EYS: variants seen among roughly 807,000 people sequenced by gnomAD.
EYS encodes protein eyes shut homolog.
EYS carries 250 observed loss-of-function variants against 282.1 expected under a neutral mutation model. The ratio of observed to expected loss-of-function variants is 0.89; its 90% CI spans 0.80 to 0.98. The LOEUF (loss-of-function observed/expected upper bound fraction) is 0.98, where lower values mean the gene tolerates loss of function less well. Among genes scored for constraint, EYS ranks in the 50% least tolerant of loss-of-function variants. EYS has a pLI of 0.00. For missense variants in EYS, 4,016 were observed against 3,709.0 expected (o/e 1.08, Z -2.15); for synonymous variants, 1,355 against 1,282.9 (o/e 1.06, Z -1.20).
At chr6:65,437,669 G>A (rs917633163) in intron 5 of EYS, among the ~76,000 whole-genome samples, 2 of 152,062 alleles carry the variant, frequency 1.3e-5, no homozygotes, top group South Asian at 4.2e-4. Context: ...AAGAAACTTG[G>A]CATCCAAAAC....
At chr6:64,854,513 G>A (rs1211238874) in intron 19 of EYS, among the ~76,000 whole-genome samples, 2 of 145,678 alleles carry the variant, frequency 1.4e-5, no homozygotes, top group Admixed American at 7.4e-5. Context: ...AACACTGCAT[G>A]TTCTCACTCA....
intron 14 of EYS, among the ~76,000 whole-genome samples, chr6:64,967,785 C>T (rs775337532): frequency 1.3e-4 from 20 of 152,154 alleles, no homozygotes; most frequent in Non-Finnish European, 2.5e-4. Context: ...AATTTCATAA[C>T]GATTTTTCTC....
At chr6:64,391,779 T>C (rs193002423) in intron 28 of EYS, among the ~76,000 whole-genome samples, 1 of 152,148 alleles carries the variant, frequency 6.6e-6, no homozygotes, top group African/African-American at 2.4e-5. Flanking sequence ...ATAATAATAT[T>C]AACTTTAAAT....
intron 26 of EYS, among the ~76,000 whole-genome samples, chr6:64,443,905 T>C (rs1775034700): frequency 6.6e-6 from 1 of 152,160 alleles, no homozygotes; most frequent in Admixed American, 6.6e-5. Flanking sequence ...AATAGAGTCA[T>C]TAAAAAAGAT....
chr6:65,661,775 C>G (rs2149826059), intron 1 of EYS, among the ~76,000 whole-genome samples: 1 of 152,204 alleles, frequency 6.6e-6, no homozygotes, highest in Non-Finnish European at 1.5e-5. Flanking sequence ...TGGTAAAAAT[C>G]TGTGCCTGCA....
chr6:64,409,332 G>A (rs1040614333), intron 28 of EYS, among the ~76,000 whole-genome samples: 2 of 152,156 alleles, frequency 1.3e-5, no homozygotes, highest in Non-Finnish European at 2.9e-5. Context: ...TTGTTGGGTT[G>A]AATGGTAGTT....
At chr6:63,953,978 A>G (rs557821439) in intron 35 of EYS, among the ~76,000 whole-genome samples, 2 of 152,270 alleles carry the variant, frequency 1.3e-5, no homozygotes, top group South Asian at 4.1e-4. Context: ...TACAGTTTTC[A>G]TAACTTCCAA....
intron 12 of EYS, among the ~76,000 whole-genome samples, chr6:65,058,562 G>A (rs967409112): frequency 6.6e-6 from 1 of 150,754 alleles, no homozygotes; most frequent in Non-Finnish European, 1.5e-5. Flanking sequence ...TAATATTATG[G>A]TGCCAGGGTG....
chr6:64,527,247 G>T (rs997963901), intron 26 of EYS, among the ~76,000 whole-genome samples: 1 of 151,652 alleles, frequency 6.6e-6, no homozygotes, highest in Non-Finnish European at 1.5e-5. Context: ...TTAATATATG[G>T]CCAAAGTTCT....
At chr6:63,853,497 T>C (rs562818875) in intron 36 of EYS, among the ~76,000 whole-genome samples, 2 of 152,174 alleles carry the variant, frequency 1.3e-5, no homozygotes, top group South Asian at 2.1e-4. Context: ...CACAGACAAA[T>C]GGAAAAACAT....
At position 65,512,518 on chromosome 6, in the gene EYS, A is replaced by G. The variant is rs1766934063; in HGVS notation, c.-332-16525T>C. On this transcript the variant is annotated intron_variant, in intron 2 of 42. Transcript: ENST00000503581. ...AAAAAAAAAAAAAAAAAAAAATTAC[A>G]TTGTAAAGTAATTTTAATTATAAAA... Among the ~76,000 whole-genome samples, 5 of 150,444 alleles carry G rather than the reference A, an allele frequency of 3.3e-5. No homozygotes were observed. The South Asian group carries it at 8.4e-4, about 25-fold the overall frequency.
chr6:63,848,825 C>T (rs182125651), intron 36 of EYS, among the ~76,000 whole-genome samples: 47 of 152,254 alleles, frequency 3.1e-4, no homozygotes, highest in African/African-American at 9.6e-4. Context: ...GGAACCCCAG[C>T]GAGACAGAAC....
chr6:65,647,735 C>G (rs911989646), intron 1 of EYS, among the ~76,000 whole-genome samples: 5 of 152,094 alleles, frequency 3.3e-5, no homozygotes, highest in African/African-American at 1.2e-4. Context: ...TAACAGACAA[C>G]CCAGTAATTG....
chr6:63,907,218 A>G (rs1773799695), intron 35 of EYS, among the ~76,000 whole-genome samples: 1 of 152,134 alleles, frequency 6.6e-6, no homozygotes, highest in Non-Finnish European at 1.5e-5. Flanking sequence ...GGGTCCTCAA[A>G]CTTATCAAGT....
At chr6:65,576,143 C>T (rs765207194) in intron 2 of EYS, among the ~76,000 whole-genome samples, 2 of 151,892 alleles carry the variant, frequency 1.3e-5, no homozygotes, top group Non-Finnish European at 2.9e-5. Context: ...AATTACAGGT[C>T]AATAATCTTA....
intron 28 of EYS, among the ~76,000 whole-genome samples, chr6:64,416,726 C>G (rs1302512861): frequency 6.6e-6 from 1 of 152,026 alleles, no homozygotes; most frequent in Non-Finnish European, 1.5e-5. Context: ...AATGGTACAT[C>G]TTAGTAAAAT....
intron 22 of EYS, among the ~76,000 whole-genome samples, chr6:64,791,896 C>G (rs1008383164): frequency 4.0e-5 from 6 of 151,666 alleles, no homozygotes; most frequent in Admixed American, 3.9e-4. Flanking sequence ...ATGACTGGAA[C>G]AAGATTTTAA....
At chr6:64,511,946 G>A (rs546840049) in intron 26 of EYS, among the ~76,000 whole-genome samples, 1 of 151,998 alleles carries the variant, frequency 6.6e-6, no homozygotes, top group African/African-American at 2.4e-5. Flanking sequence ...AGACTCATGG[G>A]AATGGCAGTA....
At chr6:64,730,113 G>A (rs757798782) in intron 22 of EYS, among the ~76,000 whole-genome samples, 16 of 152,028 alleles carry the variant, frequency 1.1e-4, no homozygotes, top group Non-Finnish European at 1.9e-4. Flanking sequence ...TTTCTTTAAA[G>A]GAATAAATGA....
Sources: gnomAD v4.1 joint callset for allele counts (sites outside exome capture counted in the v4.1 genomes callset) on GRCh38, gnomAD v4.1.1 for gene constraint, MANE v1.5 for transcripts, NCBI Gene and HGNC (gene_info 2026-07-23, HGNC 2026-07-21) for gene names.